SOX6: variants seen among roughly 807,000 people sequenced by gnomAD.
The protein encoded by SOX6 is SRY-box transcription factor 6, also known as transcription factor SOX-6.
A neutral mutation model predicts 97.8 loss-of-function variants in SOX6; 11 were observed. That is an observed-to-expected ratio of 0.11 (90% CI 0.07 to 0.19). The LOEUF (loss-of-function observed/expected upper bound fraction) is 0.19. SOX6 is among the 10% of genes least tolerant of loss of function. The probability of loss-of-function intolerance (pLI) is 1.00; values close to 1 mark genes in which losing one functional copy is unlikely to be tolerated. For missense variants in SOX6, 810 were observed against 1,039.5 expected (o/e 0.78, Z 3.04); for synonymous variants, 360 against 371.4 (o/e 0.97, Z 0.35).
intron 3 of SOX6, among the ~76,000 whole-genome samples, chr11:16,241,753 A>T (rs1201482499): frequency 6.6e-6 from 1 of 152,136 alleles, no homozygotes; most frequent in East Asian, 1.9e-4. Context: ...TGGAAGCTAT[A>T]TGCATGTGGA....
At chr11:16,448,609 G>A (rs1565149377) in intron 1 of SOX6, among the ~76,000 whole-genome samples, 1 of 152,084 alleles carries the variant, frequency 6.6e-6, no homozygotes, top group African/African-American at 2.4e-5. Context: ...TAGATATAAT[G>A]TAATTAAACA....
At chr11:16,002,559 T>C (rs1463980596) in intron 13 of SOX6, among the ~76,000 whole-genome samples, 1 of 152,080 alleles carries the variant, frequency 6.6e-6, no homozygotes, top group African/African-American at 2.4e-5. Context: ...TTATTATCTA[T>C]ATGCTGTATT....
At position 15,972,999 on chromosome 11, in the gene SOX6, G is replaced by A. The variant is rs1438545302; in HGVS notation, c.2297C>T (p.Ser766Leu). ...PQMTSDCSST[S>L]ASPEPSLPVI... Reference sequence around the variant, plus strand: ...CGGGAGGCTGGGCTCCGGGCTGGCCGAGGTGCTAGAGCAGTCAGATGTCAT... The same window carrying A: ...CGGGAGGCTGGGCTCCGGGCTGGCCAAGGTGCTAGAGCAGTCAGATGTCAT... The change falls in exon 16 of 16, where the codon TCG (serine) becomes TTG (leucine). Residue 766 changes from serine (S) to leucine (L), a missense_variant. Ser to Leu is a moderately radical substitution (Grantham distance 145). Transcript: ENST00000683767. 3 of 1,614,044 alleles carry A rather than the reference G, an allele frequency of 1.9e-6. No individual in the cohort carries two copies. The highest frequency in any genetic ancestry group is 1.7e-5 in the Admixed American group (1 of 60,006).
chr11:16,685,659 G>C (rs1215496437), intron 3 of SOX6, among the ~76,000 whole-genome samples: 2 of 152,262 alleles, frequency 1.3e-5, no homozygotes, highest in African/African-American at 4.8e-5. Context: ...CTAGAGCTAA[G>C]TGCCTGTGGC....
chr11:16,449,277 C>CTTTTTTTTTTT lies in SOX6; in HGVS notation c.-5+27027_-5+27037dup, dbSNP rs10611823. Among the ~76,000 whole-genome samples the CTTTTTTTTTTT allele has an allele frequency of 5.6e-4, 35 of 62,938 alleles. 10 individuals are homozygous for CTTTTTTTTTTT. Among genetic ancestry groups the CTTTTTTTTTTT allele is most frequent in the African/African-American group, 2.4e-3 (34 of 13,958 alleles). The allele number at this position is 62,938 out of a possible 152,430, so 41.3% of individuals were successfully genotyped here. Reference sequence around the variant, plus strand: ...AGTGTAAAATTATAAAATGCTCCTTCTTTTTTTTTTTTTTTTTTTTTTTTT... The same window carrying CTTTTTTTTTTT: ...AGTGTAAAATTATAAAATGCTCCTTCTTTTTTTTTTTTTTTTTTTTTTTTTTTTTTTTTTTT... On this transcript the variant is annotated intron_variant, in intron 1 of 15. Coordinates refer to the SOX6 transcript ENST00000396356.
At chr11:16,254,707 C>CAA (rs903998430) in intron 3 of SOX6, among the ~76,000 whole-genome samples, 3 of 151,508 alleles carry the variant, frequency 2.0e-5, no homozygotes, top group African/African-American at 7.3e-5. Context: ...GCAGGGAAAG[C>CAA]AAAAATAAAA....
At chr11:16,190,192 C>G (rs547434755) in intron 4 of SOX6, among the ~76,000 whole-genome samples, 2 of 152,222 alleles carry the variant, frequency 1.3e-5, no homozygotes, top group East Asian at 3.9e-4. Context: ...TCAGTGGCAT[C>G]TAAATTTTTT....
At chr11:16,716,933 G>A (rs372738337) in intron 2 of SOX6, among the ~76,000 whole-genome samples, 5 of 152,014 alleles carry the variant, frequency 3.3e-5, no homozygotes, top group Admixed American at 6.6e-5. Flanking sequence ...AGGAGTCAGC[G>A]GCACTGAAAA....
chr11:15,996,370 T>C (rs1045428530), intron 13 of SOX6, among the ~76,000 whole-genome samples: 3 of 152,194 alleles, frequency 2.0e-5, no homozygotes, highest in African/African-American at 7.2e-5. Flanking sequence ...AGCTTATGCC[T>C]GCAATTTCAG....
chr11:16,114,574 G>A (rs1849303860), intron 6 of SOX6, among the ~76,000 whole-genome samples: 1 of 152,114 alleles, frequency 6.6e-6, no homozygotes, highest in African/African-American at 2.4e-5. Flanking sequence ...AATAAAACAA[G>A]CAATAGTTGA....
At chr11:16,186,113 C>G (rs1736287738) in intron 5 of SOX6, among the ~76,000 whole-genome samples, 2 of 152,246 alleles carry the variant, frequency 1.3e-5, no homozygotes, top group Non-Finnish European at 2.9e-5. Flanking sequence ...TACATTTAAA[C>G]TTTGCTATTT....
intron 3 of SOX6, among the ~76,000 whole-genome samples, chr11:16,281,730 T>A (rs2134243507): frequency 6.6e-6 from 1 of 151,974 alleles, no homozygotes; most frequent in Non-Finnish European, 1.5e-5. Context: ...ATGTGTTATT[T>A]AATGTTGTCA....
At position 16,567,873 on chromosome 11, in the gene SOX6, C is replaced by T. The variant is rs563925932; in HGVS notation, n.609+44208G>A. Among the ~76,000 whole-genome samples the T allele has an allele frequency of 7.0e-3, 1,039 of 148,016 alleles. 9 individuals carry two copies. The highest frequency in any genetic ancestry group is 0.025 in the African/African-American group (991 of 40,258). Reference sequence around the variant, plus strand: ...TACAGGTGTGAGCCACTGCACCTGGCCATATTTTTTTTTTTTTTACTGTTA... The same window carrying T: ...TACAGGTGTGAGCCACTGCACCTGGTCATATTTTTTTTTTTTTTACTGTTA... On this transcript the variant is annotated intron_variant and non_coding_transcript_variant, in intron 4 of 5. Transcript: ENST00000524520.
At chr11:16,404,243 T>C (rs1243786373) in intron 1 of SOX6, among the ~76,000 whole-genome samples, 3 of 151,906 alleles carry the variant, frequency 2.0e-5, no homozygotes, top group Admixed American at 6.6e-5. Flanking sequence ...TCTTGCTTCA[T>C]TCAAACTGTG....
intron 3 of SOX6, among the ~76,000 whole-genome samples, chr11:16,676,103 A>AT (rs1300886767): frequency 1.9e-4 from 29 of 152,102 alleles, no homozygotes; most frequent in African/African-American, 6.7e-4. Flanking sequence ...TCATTCATTC[A>AT]TTTTCCTGAT....
intron 1 of SOX6, among the ~76,000 whole-genome samples, chr11:16,444,118 A>T (rs908908575): frequency 6.6e-6 from 1 of 152,040 alleles, no homozygotes; most frequent in South Asian, 2.1e-4. Flanking sequence ...GAAAACAAGA[A>T]GCAAAAACTG....
intron 1 of SOX6, among the ~76,000 whole-genome samples, chr11:16,471,612 T>G (rs1860144032): frequency 6.6e-6 from 1 of 152,190 alleles, no homozygotes; most frequent in African/African-American, 2.4e-5. Context: ...TAGGCCTGAC[T>G]AGACAAATAT....
intron 3 of SOX6, among the ~76,000 whole-genome samples, chr11:16,266,564 G>T (rs535008304): frequency 6.6e-6 from 1 of 151,340 alleles, no homozygotes; most frequent in East Asian, 1.9e-4. Flanking sequence ...ATGATAATTT[G>T]CTGTTTAGAG....
At chr11:16,060,811 T>G (rs2133928061) in intron 9 of SOX6, among the ~76,000 whole-genome samples, 1 of 152,014 alleles carries the variant, frequency 6.6e-6, no homozygotes, top group South Asian at 2.1e-4. Flanking sequence ...ACTTTTCTTG[T>G]GGTGTTTATC....
Sources: gnomAD v4.1 joint callset for allele counts (sites outside exome capture counted in the v4.1 genomes callset) on GRCh38, gnomAD v4.1.1 for gene constraint, MANE v1.5 for transcripts, NCBI Gene and HGNC (gene_info 2026-07-23, HGNC 2026-07-21) for gene names.